The following SPG11 variants were observed in gnomAD, a reference collection of about 807,000 sequenced individuals.
SPG11 encodes the protein SPG11 vesicle trafficking associated, spatacsin, also known as spatacsin.
In SPG11, 222 loss-of-function variants were observed where a neutral mutation model predicts 274.0. The ratio of observed to expected loss-of-function variants is 0.81; its 90% CI spans 0.73 to 0.91. The LOEUF (loss-of-function observed/expected upper bound fraction) is 0.91. SPG11 is among the 40% of genes least tolerant of loss of function. SPG11 has a pLI of 0.00. For missense variants in SPG11, 3,114 were observed against 2,872.7 expected, an observed-to-expected ratio of 1.08 and a Z score of -1.92; for synonymous variants, 1,144 against 1,039.7, an observed-to-expected ratio of 1.10 and a Z score of -1.93.
At chr15:44,662,433 G>A (rs567518771) in intron 1 of SPG11, among the ~76,000 whole-genome samples, 1 of 152,192 alleles carries the variant, frequency 6.6e-6, no homozygotes, top group East Asian at 1.9e-4. Flanking sequence ...CACTTTGGCA[G>A]GGAGAGGCGG....
intron 7 of SPG11, among the ~76,000 whole-genome samples, chr15:44,642,443 TACAC>T (rs200397260): frequency 6.7e-6 from 1 of 148,400 alleles, no homozygotes; most frequent in Non-Finnish European, 1.5e-5. Flanking sequence ...ATTATATATA[TACAC>T]ACACACACAT....
chr15:44,594,769 C>CA (rs1243634485), intron 26 of SPG11, among the ~76,000 whole-genome samples: 11 of 151,926 alleles, frequency 7.2e-5, no homozygotes, highest in African/African-American at 2.4e-4. Context: ...GACCCTGTCT[C>CA]AAAAAACAAA....
chr15:44,588,749 T>C (rs1224931353), intron 28 of SPG11: 2 of 342,430 alleles, frequency 5.8e-6, no homozygotes, highest in Non-Finnish European at 1.2e-5. Context: ...CGCGGGTACA[T>C]AATTGCTCTC....
At chr15:44,629,120 A>G in intron 9 of SPG11, 113 bp downstream of exon 9, 1 of 1,266,372 alleles carries the variant, frequency 7.9e-7, no homozygotes, top group Non-Finnish European at 1.2e-6. Flanking sequence ...GACCTTACCC[A>G]AATGTAGTAA....
chr15:44,609,013 G>C (rs1686263330), intron 18 of SPG11, among the ~76,000 whole-genome samples: 1 of 152,180 alleles, frequency 6.6e-6, no homozygotes, highest in Non-Finnish European at 1.5e-5. Flanking sequence ...ATTTCTGACA[G>C]ATGATTAAAA....
In SPG11 at chr15:44,626,462, G is replaced by C. The variant is rs758729122; in HGVS notation, c.2113C>G (p.Gln705Glu). Reference sequence around the variant, plus strand: ...TGACTATCAATCCTGAAGAAAGTCTGTGCCTCTGGTATTTTGTTGTTTAAA... The same window carrying C: ...TGACTATCAATCCTGAAGAAAGTCTCTGCCTCTGGTATTTTGTTGTTTAAA... ...AILNNKIPEA[Q>E]TFFRIDSHSA... Residue 705 changes from glutamine to glutamate, a missense_variant, in exon 11 of 40, where the codon CAG (glutamine) becomes GAG (glutamate). Physicochemically the swap from Gln to Glu is conservative, Grantham distance 29. Transcript: ENST00000261866. 2 of 1,614,006 alleles carry C rather than the reference G, an allele frequency of 1.2e-6. No homozygotes were observed. Among genetic ancestry groups the C allele is most frequent in the African/African-American group, 1.3e-5 (1 of 75,046 alleles).
In SPG11 at chr15:44,626,470, G is replaced by A; in HGVS notation, c.2105C>T (p.Pro702Leu). 1 of 1,613,874 alleles carries A rather than the reference G, an allele frequency of 6.2e-7. No homozygotes were observed. Residue 702 changes from proline (P) to leucine (L), a missense_variant, in exon 11 of 40, where the codon CCA (proline) becomes CTA (leucine). Coordinates refer to ENST00000261866, the MANE Select transcript of SPG11 (RefSeq NM_025137.4). ...AATCCTGAAGAAAGTCTGTGCCTCT[G>A]GTATTTTGTTGTTTAAAATGGCGCT... is the stretch of plus-strand genomic sequence containing the variant. ...IASAILNNKI[P>L]EAQTFFRIDS...
In SPG11 at chr15:44,659,389, A is replaced by C. The variant is rs920859487; in HGVS notation, c.443-86T>G. 4.0e-6 allele frequency: 5 copies of C among 1,236,632 alleles called. No homozygotes were observed. The African/African-American group carries it at 7.5e-5, about 19-fold the overall frequency. The allele number at this position is 1,236,632 out of a possible 1,614,324, so 76.6% of individuals were successfully genotyped here. ...TGATTTGATAAACCTAATACAAAAA[A>C]GTAAAACAAAAAAGGAACTGGACTT... On this transcript the variant is annotated intron_variant, in intron 2 of 39. Transcript: ENST00000261866.
At position 44,596,839 on chromosome 15, in the gene SPG11, T is replaced by C; in HGVS notation, c.4106A>G (p.Asn1369Ser). The C allele has an allele frequency of 6.2e-7, 1 of 1,614,072 alleles. No individual in the cohort carries two copies. Among genetic ancestry groups the C allele is most frequent in the Non-Finnish European group, 8.5e-7 (1 of 1,179,996 alleles). ...ISYLRECAKA[N>S]DWLQFIIHSQ... is the part of the protein sequence containing the mutation. ...GTGAATAATGAACTGCAGCCAATCA[T>C]TTGCTTTGGCACATTCTCTAAGGTA... The change falls in exon 24 of 40, where the codon AAT becomes AGT. Residue 1369 changes from asparagine (N) to serine (S), a missense_variant. Physicochemically the swap from Asn to Ser is conservative, Grantham distance 46. Coordinates refer to ENST00000261866, the MANE Select transcript of SPG11 (RefSeq NM_025137.4).
In SPG11 at chr15:44,622,364, T is replaced by C. The variant is rs1331518929; in HGVS notation, c.2317-17A>G. 6.6e-7 allele frequency: 1 copy of C among 1,522,854 alleles called. No homozygotes were observed. The highest frequency in any genetic ancestry group is 1.8e-5 in the Admixed American group (1 of 55,696). The allele number at this position is 1,522,854 out of a possible 1,614,324, so 94.3% of individuals were successfully genotyped here. ...AATTTCAACCTTGAATAAAAAGTAATTAAAGCAGTGACTTTACAAAAAATC... is the reference window on the plus strand; with the variant it reads ...AATTTCAACCTTGAATAAAAAGTAACTAAAGCAGTGACTTTACAAAAAATC... On this transcript the variant is annotated splice_polypyrimidine_tract_variant and intron_variant, in intron 12 of 39. Coordinates refer to ENST00000261866, the MANE Select transcript of SPG11 (RefSeq NM_025137.4).
At chr15:44,599,435 G>A (rs2083127057) in intron 21 of SPG11, among the ~76,000 whole-genome samples, 1 of 152,042 alleles carries the variant, frequency 6.6e-6, no homozygotes, top group South Asian at 2.1e-4. Context: ...GAGTAGCTGG[G>A]ACTACAGGCA....
At chr15:44,657,633 C>T (rs1032839607) in intron 3 of SPG11, among the ~76,000 whole-genome samples, 4 of 152,178 alleles carry the variant, frequency 2.6e-5, no homozygotes, top group African/African-American at 9.7e-5. Flanking sequence ...GTATTATCAA[C>T]ATGCAGTCAG....
chr15:44,584,318 C>G lies in SPG11; in HGVS notation c.5362G>C (p.Val1788Leu). 1 of 1,611,324 alleles carries G rather than the reference C, an allele frequency of 6.2e-7. No individual in the cohort carries two copies. Among genetic ancestry groups the G allele is most frequent in the Non-Finnish European group, 8.5e-7 (1 of 1,178,182 alleles). Residue 1788 changes from valine (V) to leucine (L), a missense_variant, in exon 30 of 40, where the codon GTG (valine) becomes CTG (leucine). Val to Leu is a conservative substitution (Grantham distance 32). Transcript: ENST00000261866. ...TCCTCCAGCTTATCCAAGGGCACCA[C>G]GTCCTCCTGGGCAAGCCAGTGCCCT... ...LAGHWLAQEDVVPLDKLEELE... is the reference protein window; with the variant it reads ...LAGHWLAQEDLVPLDKLEELE...
intron 3 of SPG11, among the ~76,000 whole-genome samples, chr15:44,658,695 G>C (rs1393490633): frequency 1.3e-5 from 2 of 152,080 alleles, no homozygotes; most frequent in African/African-American, 2.4e-5. Context: ...TCCTGACCTT[G>C]TGATCCGCCC....
rs778305085 is a variant in SPG11, at chr15:44,563,298, A to G, written c.7155T>C (p.Tyr2385=). ...CCATGTCAGTAGGCTGATGTTGTTT[A>G]TATCTAGATAAAGAAACATAATGTA... ...SSIFEEISKK[Y]KQHQPTDMVM... is the part of the protein sequence containing the mutation. Residue 2385 remains tyrosine (Y), a synonymous_variant, in exon 40 of 40, where the codon TAT becomes TAC. Transcript: ENST00000261866. 27 of 1,611,982 alleles carry G rather than the reference A, an allele frequency of 1.7e-5. No individual in the cohort carries two copies. In the South Asian group the frequency reaches 1.8e-4, roughly 10 times the overall value.
Position 44,615,483 on chromosome 15 carries a change from T to A in SPG11, c.2918A>T (p.Asp973Val). 6.2e-7 allele frequency: 1 copy of A among 1,613,802 alleles called. No individual in the cohort carries two copies. Among genetic ancestry groups the A allele is most frequent in the African/African-American group, 1.3e-5 (1 of 75,000 alleles). The part of the protein sequence containing the change: ...RLSRIGGVIQ[D>V]TLPVQNYKTK... ...CTTGTAGTTTTGAACAGGGAGGGTA[T>A]CCTGTATTACACCTCCAATACGGCT... The change falls in exon 16 of 40, where the codon GAT becomes GTT. Residue 973 changes from aspartate (D) to valine (V), a missense_variant. Coordinates refer to ENST00000261866, the MANE Select transcript of SPG11 (RefSeq NM_025137.4).
Position 44,628,816 on chromosome 15 carries a change from C to T in SPG11, c.1920G>A (p.Val640=), listed in dbSNP as rs761564026. 1 of 1,613,414 alleles carries T rather than the reference C, an allele frequency of 6.2e-7. No individual in the cohort carries two copies. The change falls in exon 10 of 40, where the codon GTG becomes GTA. Residue 640 remains valine, a synonymous_variant. Coordinates refer to ENST00000261866, the MANE Select transcript of SPG11 (RefSeq NM_025137.4). ...CATTAATGTAGCTAGTCAAAATGTT[C>T]ACTCCTTTTTGCAGATGTTCATCTA... The part of the protein sequence containing the change: ...EELDEHLQKG[V]NILTSYINEL...
In SPG11 at chr15:44,660,434, A is replaced by C. The variant is rs547491883; in HGVS notation, c.440T>G (p.Ile147Ser). The C allele has an allele frequency of 1.2e-5, 20 of 1,613,142 alleles. No individual in the cohort carries two copies. Among genetic ancestry groups the C allele is most frequent in the Middle Eastern group, 1.7e-4 (1 of 6,060 alleles). The change falls in exon 2 of 40, where the codon ATC becomes AGC. Residue 147 changes from isoleucine to serine, a missense_variant and splice_region_variant. Physicochemically the swap from Ile to Ser is moderately radical, Grantham distance 142 (BLOSUM62 -2). Coordinates refer to ENST00000261866, the MANE Select transcript of SPG11 (RefSeq NM_025137.4). Reference protein sequence around the residue: ...ALQKLIDDQDISISLLSLRIL... With the variant: ...ALQKLIDDQDSSISLLSLRIL... ...AAAGACCACCTGTAGATACTTACTG[A>C]TATCTTGATCGTCAATGAGCTTTTG...
At chr15:44,657,384 T>A in intron 3 of SPG11, 88 bp from the exon 4 acceptor site, 1 of 1,230,052 alleles carries the variant, frequency 8.1e-7, no homozygotes, top group Admixed American at 1.9e-5. Context: ...ATAGACTTTA[T>A]CACTCCAATT....
Sources: gnomAD v4.1 joint callset for allele counts (sites outside exome capture counted in the v4.1 genomes callset) on GRCh38, gnomAD v4.1.1 for gene constraint, MANE v1.5 for transcripts, NCBI Gene and HGNC (gene_info 2026-07-23, HGNC 2026-07-21) for gene names.